Variants in ERG observed in about 807,000 individuals in gnomAD.
The protein encoded by ERG is ETS transcription factor ERG, also known as transcriptional regulator ERG.
A neutral mutation model predicts 55.3 loss-of-function variants in ERG; 9 were observed. That is an observed-to-expected ratio of 0.16 (90% CI 0.10 to 0.28). The LOEUF (loss-of-function observed/expected upper bound fraction) is 0.28. Among genes scored for constraint, ERG ranks in the 10% least tolerant of loss-of-function variants. The pLI is 1.00. For synonymous variants in ERG, 223 were observed against 237.3 expected (o/e 0.94, Z 0.55); for missense variants, 434 against 631.6 (o/e 0.69, Z 3.35).
Position 38,403,650 on chromosome 21 carries a change from A to G in ERG, c.448T>C (p.Tyr150His), listed in dbSNP as rs1401160063. The G allele has an allele frequency of 6.2e-7, 1 of 1,614,160 alleles. No individual in the cohort carries two copies. Among genetic ancestry groups the G allele is most frequent in the Non-Finnish European group, 8.5e-7 (1 of 1,180,022 alleles). Residue 150 changes from tyrosine (Y) to histidine (H), a missense_variant, in exon 4 of 10, where the codon TAT (tyrosine) becomes CAT (histidine). Tyr to His is a moderately conservative substitution (Grantham distance 83). Around this residue, in one of 5 missense-constraint regions of ERG, gnomAD observed 212 missense variants for 262.9 expected, o/e 0.81. Coordinates refer to ENST00000288319, the MANE Select transcript of ERG (RefSeq NM_182918.4). ...RQWLEWAVKEYGLPDVNILLF... is the reference protein window; with the variant it reads ...RQWLEWAVKEHGLPDVNILLF... The stretch of plus-strand genomic sequence containing the variant: ...AAGATGTTGACGTCTGGAAGGCCAT[A>G]TTCTTTCACCGCCCACTCCAGCCAC...
intron 2 of ERG, among the ~76,000 whole-genome samples, chr21:38,560,713 C>T (rs2059887885): frequency 6.6e-6 from 1 of 152,190 alleles, no homozygotes; most frequent in African/African-American, 2.4e-5. Flanking sequence ...TACATGAAGA[C>T]TCATTTTCTG....
At chr21:38,400,691 G>C (rs778937963) in intron 5 of ERG, 46 bp from the exon 6 acceptor site, 1 of 1,454,716 alleles carries the variant, frequency 6.9e-7, no homozygotes, top group Admixed American at 1.8e-5. Flanking sequence ...TTTTGTTGTG[G>C]TTGTCGATCT....
chr21:38,525,449 A>G (rs1361228060), intron 2 of ERG, among the ~76,000 whole-genome samples: 1 of 152,148 alleles, frequency 6.6e-6, no homozygotes, highest in African/African-American at 2.4e-5. Context: ...CCTGCCAGAC[A>G]TCTCTTCCAG....
Position 38,505,400 on chromosome 21 carries a change from G to A in ERG, c.-41+70262C>T, listed in dbSNP as rs79624126. On this transcript the variant is annotated intron_variant, in intron 2 of 8. Transcript: ENST00000398897. ...TGTATTATCTCCCACTGCAAGCAAC[G>A]CAGAGGACACAGAGGTGCAGCTGAA... Among the ~76,000 whole-genome samples the A allele has an allele frequency of 4.6e-3, 695 of 152,278 alleles. 1 individual carries two copies. The highest frequency in any genetic ancestry group is 0.014 in the Middle Eastern group (4 of 294).
chr21:38,639,367 A>T (rs1031329326), intron 1 of ERG, among the ~76,000 whole-genome samples: 2 of 99,886 alleles, frequency 2.0e-5, no homozygotes, highest in Non-Finnish European at 4.3e-5. Context: ...TTTTAACTTT[A>T]AAAAAAAAAA....
At chr21:38,529,924 C>T (rs2059659986) in intron 2 of ERG, among the ~76,000 whole-genome samples, 2 of 152,072 alleles carry the variant, frequency 1.3e-5, no homozygotes, top group Admixed American at 1.3e-4. Flanking sequence ...CGAGATCACG[C>T]CATTGCACTC....
chr21:38,391,042 T>A lies in ERG; in HGVS notation c.872A>T (p.Asp291Val). 1 of 1,612,976 alleles carries A rather than the reference T, an allele frequency of 6.2e-7. No individual in the cohort carries two copies. The change falls in exon 9 of 10, where the codon GAT becomes GTT. Residue 291 changes from aspartate (D) to valine (V), a missense_variant and splice_region_variant. Physicochemically the swap from Asp to Val is radical, Grantham distance 152. Around this residue, in one of 5 missense-constraint regions of ERG, gnomAD observed 99 missense variants for 145.6 expected, o/e 0.68. Transcript: ENST00000288319. ...PKTEDQRPQL[D>V]PYQILGPTSS... ...TGTTGGTCCAAGAATCTGATAAGGATCTACAGCAAAAAGAAACAAAGTCAA... is the reference window on the plus strand; with the variant it reads ...TGTTGGTCCAAGAATCTGATAAGGAACTACAGCAAAAAGAAACAAAGTCAA...
At chr21:38,570,221 T>C (rs1185616108) in intron 2 of ERG, among the ~76,000 whole-genome samples, 1 of 152,198 alleles carries the variant, frequency 6.6e-6, no homozygotes, top group African/African-American at 2.4e-5. Context: ...ACTTGTTTTA[T>C]TTGCATATGA....
At chr21:38,550,263 T>G (rs2059815654) in intron 2 of ERG, among the ~76,000 whole-genome samples, 1 of 152,120 alleles carries the variant, frequency 6.6e-6, no homozygotes, top group Non-Finnish European at 1.5e-5. Context: ...GGAGTCAATC[T>G]GCTGGGGTGG....
intron 2 of ERG, among the ~76,000 whole-genome samples, chr21:38,424,189 T>TCG (rs1488544539): frequency 3.6e-5 from 3 of 83,448 alleles, no homozygotes; most frequent in Admixed American, 1.0e-4. Flanking sequence ...GAGCTCGAGC[T>TCG]CTCTCTCTCT....
Position 38,435,727 on chromosome 21 carries a change from G to A in ERG, c.236+9677C>T, listed in dbSNP as rs529129902. The stretch of plus-strand genomic sequence containing the variant: ...TATATTTCTCTTTACAGCCAAAAAC[G>A]AATGCCAGCAAGACCGTGTTGCTTT... On this transcript the variant is annotated intron_variant, in intron 2 of 9. Transcript: ENST00000288319. Among the ~76,000 whole-genome samples the A allele has an allele frequency of 2.2e-4, 33 of 152,262 alleles. No individual in the cohort carries two copies. The South Asian group carries it at 6.6e-3, about 31-fold the overall frequency.
upstream of ERG, among the ~76,000 whole-genome samples, chr21:38,588,205 C>T (rs563482380): frequency 3.3e-5 from 5 of 152,298 alleles, no homozygotes; most frequent in East Asian, 5.8e-4. Flanking sequence ...AAAATACAGT[C>T]GTTTGAGAAC....
intron 2 of ERG, among the ~76,000 whole-genome samples, chr21:38,535,682 A>C (rs2059704722): frequency 1.3e-5 from 2 of 152,176 alleles, no homozygotes; most frequent in African/African-American, 4.8e-5. Flanking sequence ...AAATATCAGT[A>C]ATATAAAGTA....
intron 2 of ERG, among the ~76,000 whole-genome samples, chr21:38,539,218 C>T (rs534366751): frequency 6.6e-6 from 1 of 152,314 alleles, no homozygotes; most frequent in South Asian, 2.1e-4. Context: ...ACTCCTAGAA[C>T]TGCACAGTCT....
rs58333375 is a variant in ERG, at chr21:38,548,614, A to ATT, written c.-41+27046_-41+27047dup. On this transcript the variant is annotated intron_variant, in intron 2 of 8. Transcript: ENST00000398897. The stretch of plus-strand genomic sequence containing the variant: ...AGGCACCCGCCACCACGCCCGGCTA[A>ATT]TTTTTTTTTTTTTTTTTTTTTTTGC... Among the ~76,000 whole-genome samples, 352 of 107,162 alleles carry ATT rather than the reference A, an allele frequency of 3.3e-3. 1 individual carries two copies. The highest frequency in any genetic ancestry group is 0.012 in the African/African-American group (334 of 26,800). 70.3% of individuals were successfully genotyped at this position (107,162 alleles called of 152,430 possible).
At chr21:38,483,104 C>G (rs1485839448) in intron 1 of ERG, among the ~76,000 whole-genome samples, 1 of 152,158 alleles carries the variant, frequency 6.6e-6, no homozygotes, top group Non-Finnish European at 1.5e-5. Context: ...TATGTAAAAT[C>G]TATAACAAAC....
intron 1 of ERG, among the ~76,000 whole-genome samples, chr21:38,598,090 C>T (rs1034325572): frequency 6.6e-6 from 1 of 152,142 alleles, no homozygotes; most frequent in Non-Finnish European, 1.5e-5. Context: ...GGACCAGCCA[C>T]GTCCTTTACA....
At chr21:38,585,532 C>CTTTTTTTTTTTTTTTTTTATTTTT, upstream of ERG, among the ~76,000 whole-genome samples, 1 of 59,270 alleles carries the variant, frequency 1.7e-5, no homozygotes, top group Non-Finnish European at 3.1e-5. Flanking sequence ...TCTCTCTCTT[C>CTTTTTTTTTTTTTTTTTTATTTTT]TTTTTTTTTT....
chr21:38,433,019 C>A (rs969137028), intron 2 of ERG, among the ~76,000 whole-genome samples: 1 of 152,182 alleles, frequency 6.6e-6, no homozygotes, highest in East Asian at 1.9e-4. Context: ...CACGAAGGAG[C>A]AAGGCAGGGC....
Sources: allele counts gnomAD v4.1 joint callset (sites outside exome capture counted in the v4.1 genomes callset), GRCh38; gene constraint gnomAD v4.1.1; regional missense constraint gnomAD v4.1.1; transcripts MANE v1.5; gene names NCBI Gene and HGNC (gene_info 2026-07-23, HGNC 2026-07-21).